The following MICAL2 variants were observed in gnomAD, a reference collection of about 807,000 sequenced individuals.
The protein encoded by MICAL2 is [F-actin]-monooxygenase MICAL2.
A neutral mutation model predicts 127.3 loss-of-function variants in MICAL2; 77 were observed. The ratio of observed to expected loss-of-function variants is 0.60; its 90% CI spans 0.50 to 0.73. MICAL2 has a LOEUF of 0.73. Among genes scored for constraint, MICAL2 ranks in the 30% least tolerant of loss-of-function variants. The pLI, the probability that MICAL2 is intolerant of heterozygous loss-of-function variation, is 0.00. For synonymous variants in MICAL2, 570 were observed against 551.1 expected (o/e 1.03, Z -0.48); for missense variants, 1,351 against 1,434.4 (o/e 0.94, Z 0.94).
In MICAL2 at chr11:12,237,885, G is replaced by T. The variant is rs574806919; in HGVS notation, c.2065-1551G>T. ...GACCCGTTAATGTCTGAAAGTGCTGGCCTGTATGGCCCACCGTCCTGGCTA... is the reference window on the plus strand; with the variant it reads ...GACCCGTTAATGTCTGAAAGTGCTGTCCTGTATGGCCCACCGTCCTGGCTA... On this transcript the variant is annotated intron_variant, in intron 16 of 27. Transcript: ENST00000683283. 2.0e-5 allele frequency among the ~76,000 whole-genome samples: 3 copies of T among 152,294 alleles called. No individual in the cohort carries two copies. In the South Asian group the frequency reaches 6.2e-4, roughly 32 times the overall value.
intron 32 of MICAL2, among the ~76,000 whole-genome samples, chr11:12,347,345 C>G (rs1938971284): frequency 6.6e-6 from 1 of 152,212 alleles, no homozygotes; most frequent in Admixed American, 6.5e-5. Flanking sequence ...TCCCTGTGAT[C>G]CAAAGAGTAT....
intron 16 of MICAL2, among the ~76,000 whole-genome samples, chr11:12,238,785 T>C (rs144909700): frequency 0.015 from 2,301 of 152,350 alleles, 48 homozygotes; most frequent in African/African-American, 0.049. Context: ...TTTAACACTG[T>C]GGGCAGCTGG....
chr11:12,271,960 G>T (rs1401055184), upstream of MICAL2, among the ~76,000 whole-genome samples: 1 of 152,174 alleles, frequency 6.6e-6, no homozygotes, highest in Non-Finnish European at 1.5e-5. Context: ...TGCTGTCCCT[G>T]CCCTGATGTC....
downstream of MICAL2, among the ~76,000 whole-genome samples, chr11:12,360,127 A>AAAAAAC (rs386373113): frequency 6.6e-6 from 1 of 151,598 alleles, no homozygotes; most frequent in Non-Finnish European, 1.5e-5. Context: ...TTTAAAAAAA[A>AAAAAAC]AATAAGAATC....
intron 29 of MICAL2, among the ~76,000 whole-genome samples, chr11:12,301,132 G>C (rs960421094): frequency 6.6e-6 from 1 of 152,144 alleles, no homozygotes; most frequent in African/African-American, 2.4e-5. Flanking sequence ...AAAACCATCA[G>C]ATCTCATGAG....
chr11:12,208,948 A>G (rs1216276429), intron 5 of MICAL2, among the ~76,000 whole-genome samples: 1 of 152,210 alleles, frequency 6.6e-6, no homozygotes, highest in Non-Finnish European at 1.5e-5. Context: ...TTTGGCATTC[A>G]GAGACTGTGT....
At chr11:12,244,367 C>T (rs1213538789) in intron 21 of MICAL2, among the ~76,000 whole-genome samples, 1 of 152,230 alleles carries the variant, frequency 6.6e-6, no homozygotes, top group East Asian at 1.9e-4. Flanking sequence ...CCGTATGCCA[C>T]CCTTCGTGCC....
At position 12,258,544 on chromosome 11, in the gene MICAL2, G is replaced by T. The variant is rs1422274227; in HGVS notation, c.3219G>T (p.Lys1073Asn). The T allele has an allele frequency of 6.2e-7, 1 of 1,613,638 alleles. No individual in the cohort carries two copies. The highest frequency in any genetic ancestry group is 1.1e-5 in the South Asian group (1 of 91,082). ...SKQRKRRAEL[K>N]QQREEEATWQ... ...AACGGAAGAGACGGGCAGAGTTGAAGCAACAAAGAGAGGTATGTTTGTCTC... is the reference window on the plus strand; with the variant it reads ...AACGGAAGAGACGGGCAGAGTTGAATCAACAAAGAGAGGTATGTTTGTCTC... Residue 1073 changes from lysine to asparagine, a missense_variant, in exon 25 of 28, where the codon AAG (lysine) becomes AAT (asparagine). Around this residue, in one of 2 missense-constraint regions of MICAL2, gnomAD observed 752 missense variants for 719.4 expected, o/e 1.05. Coordinates refer to ENST00000683283, the MANE Select transcript of MICAL2 (RefSeq NM_001282663.2).
chr11:12,227,107 A>G lies in MICAL2; in HGVS notation c.1971A>G (p.Thr657=). 1 of 1,613,696 alleles carries G rather than the reference A, an allele frequency of 6.2e-7. No individual in the cohort carries two copies. The highest frequency in any genetic ancestry group is 8.5e-7 in the Non-Finnish European group (1 of 1,179,754). Residue 657 remains threonine, a synonymous_variant, in exon 15 of 28, where the codon ACA becomes ACG. Transcript: ENST00000683283. ...TTTCTAATAACTATCTCAACCTCAC[A>G]TTTCCAAGGAAGAGGACTCCACGGG... ...SSISNNYLNL[T]FPRKRTPRVD...
chr11:12,190,327 C>G (rs774588804), intron 3 of MICAL2, among the ~76,000 whole-genome samples: 1 of 152,152 alleles, frequency 6.6e-6, no homozygotes, highest in Non-Finnish European at 1.5e-5. Context: ...TAACCATCTT[C>G]TGTGGGTTGG....
At chr11:12,281,126 T>A (rs1863765729) in intron 2 of MICAL2, 1 of 397,330 alleles carries the variant, frequency 2.5e-6, no homozygotes, top group Admixed American at 4.5e-5. Context: ...CCAGGCTTGA[T>A]TCTGGGAAGT....
At chr11:12,226,463 C>T (rs1857463139) in intron 14 of MICAL2, 93 bp downstream of exon 14, 2 of 1,311,186 alleles carry the variant, frequency 1.5e-6, no homozygotes, top group Admixed American at 2.0e-5. Flanking sequence ...ATGGTCTGTT[C>T]TGGGGCTGCC....
chr11:12,306,074 T>C (rs140487033), intron 29 of MICAL2, among the ~76,000 whole-genome samples: 2,240 of 152,260 alleles, frequency 0.015, 25 homozygotes, highest in Non-Finnish European at 0.021. Flanking sequence ...TTGCTTATAA[T>C]ACACAAAAGA....
At chr11:12,333,761 A>G (rs1269988320) in intron 32 of MICAL2, among the ~76,000 whole-genome samples, 1 of 152,178 alleles carries the variant, frequency 6.6e-6, no homozygotes, top group Non-Finnish European at 1.5e-5. Flanking sequence ...AGTAATAAAG[A>G]TATCACTTAC....
In MICAL2 at chr11:12,213,408, C is replaced by G; in HGVS notation, c.845C>G (p.Thr282Arg). The G allele has an allele frequency of 6.2e-7, 1 of 1,612,842 alleles. No individual in the cohort carries two copies. Among genetic ancestry groups the G allele is most frequent in the South Asian group, 1.1e-5 (1 of 90,926 alleles). Residue 282 changes from threonine to arginine, a missense_variant and splice_region_variant, in exon 7 of 28, where the codon ACA (threonine) becomes AGA (arginine). This residue lies in a region of MICAL2 where 599 missense variants were observed against 714.9 expected (regional missense o/e 0.84). Transcript: ENST00000683283. ...TTTTTTCAGGACCTTAAAGAAGAAA[C>G]AGGTGGGACCTTCACCTTTCTCCCA... ...QKFFQDLKEETGIDLENIVYY... is the reference protein window; with the variant it reads ...QKFFQDLKEERGIDLENIVYY...
intron 24 of MICAL2, 106 bp downstream of exon 24, chr11:12,257,077 CA>C (rs1862433655): frequency 8.3e-7 from 1 of 1,201,994 alleles, no homozygotes; most frequent in Non-Finnish European, 1.1e-6. Context: ...CAAACATACC[CA>C]AAAGGAAGTA....
At chr11:12,293,729 G>C (rs1324987604), downstream of MICAL2, 1 of 1,614,050 alleles carries the variant, frequency 6.2e-7, no homozygotes, top group South Asian at 1.1e-5. Context: ...GAGCCCTGGT[G>C]AAGATGGCCT....
At chr11:12,219,513 A>T (rs1404508376) in intron 8 of MICAL2, among the ~76,000 whole-genome samples, 1 of 135,730 alleles carries the variant, frequency 7.4e-6, no homozygotes, top group East Asian at 2.4e-4. Context: ...GGGAGACAAG[A>T]GCGAAACTCC....
At chr11:12,299,977 C>A (rs1245187566) in intron 29 of MICAL2, among the ~76,000 whole-genome samples, 1 of 152,128 alleles carries the variant, frequency 6.6e-6, no homozygotes, top group African/African-American at 2.4e-5. Context: ...GCTTCCTGCT[C>A]CCTAGCGTGC....
Sources: gnomAD v4.1 joint callset for allele counts (sites outside exome capture counted in the v4.1 genomes callset) on GRCh38, gnomAD v4.1.1 for gene constraint, gnomAD v4.1.1 regional missense constraint, MANE v1.5 for transcripts, NCBI Gene and HGNC (gene_info 2026-07-23, HGNC 2026-07-21) for gene names.